RGS6: variants seen among roughly 807,000 people sequenced by gnomAD.
The protein encoded by RGS6 is regulator of G protein signaling 6.
RGS6 carries 30 observed loss-of-function variants against 78.5 expected under a neutral mutation model. That is an observed-to-expected ratio of 0.38 (90% CI 0.29 to 0.52). The LOEUF (loss-of-function observed/expected upper bound fraction) is 0.52. Among genes scored for constraint, RGS6 ranks in the 20% least tolerant of loss-of-function variants. RGS6 has a pLI of 0.85. For missense variants in RGS6, 495 were observed against 609.7 expected (o/e 0.81, Z 1.98); for synonymous variants, 206 against 206.0 (o/e 1.00, Z 0.00).
chr14:71,937,397 C>G (rs981123274), intron 1 of RGS6, among the ~76,000 whole-genome samples: 1 of 152,106 alleles, frequency 6.6e-6, no homozygotes, highest in African/African-American at 2.4e-5. Flanking sequence ...CACTTCCGCC[C>G]CTTGATTCCT....
chr14:72,432,831 G>C (rs550428642), intron 3 of RGS6, among the ~76,000 whole-genome samples: 1 of 152,294 alleles, frequency 6.6e-6, no homozygotes, highest in South Asian at 2.1e-4. Context: ...TCTAAGAGTA[G>C]CCACTTGAAG....
intron 2 of RGS6, among the ~76,000 whole-genome samples, chr14:72,254,306 T>C (rs1374019831): frequency 6.6e-6 from 1 of 152,234 alleles, no homozygotes; most frequent in Non-Finnish European, 1.5e-5. Context: ...TATTGGACTC[T>C]TGCTTGATGA....
intron 2 of RGS6, among the ~76,000 whole-genome samples, chr14:72,019,032 A>G (rs542415823): frequency 1.3e-5 from 2 of 152,284 alleles, no homozygotes; most frequent in East Asian, 3.9e-4. Flanking sequence ...ATAAAACCCA[A>G]ATAAAACAAA....
chr14:71,926,923 T>C, the RGS6 span, among the ~76,000 whole-genome samples: 5,921 of 152,310 alleles, frequency 0.039, 148 homozygotes, highest in Non-Finnish European at 0.059. Flanking sequence ...CAAACATGCC[T>C]GTCATTGATT....
At chr14:72,121,771 G>A (rs1369077252) in intron 2 of RGS6, among the ~76,000 whole-genome samples, 2 of 152,128 alleles carry the variant, frequency 1.3e-5, no homozygotes, top group African/African-American at 4.8e-5. Flanking sequence ...ATTCATGTCA[G>A]ATTCTTGCAG....
At chr14:71,934,948 A>G (rs369386525) in intron 1 of RGS6, among the ~76,000 whole-genome samples, 106 of 152,336 alleles carry the variant, frequency 7.0e-4, no homozygotes, top group African/African-American at 2.4e-3. Flanking sequence ...TTTCAAAAGG[A>G]TGCTGTCAGA....
At chr14:71,987,169 G>A (rs2094749904) in intron 2 of RGS6, among the ~76,000 whole-genome samples, 1 of 152,114 alleles carries the variant, frequency 6.6e-6, no homozygotes, top group South Asian at 2.1e-4. Flanking sequence ...TGGAATTTTT[G>A]TCTTTTTCAT....
chr14:72,604,362 A>G, the RGS6 span, among the ~76,000 whole-genome samples: 6 of 152,178 alleles, frequency 3.9e-5, no homozygotes, highest in Non-Finnish European at 5.9e-5. Context: ...AGTCTTATAC[A>G]TTCTTCAAGG....
chr14:72,179,757 T>C (rs1179909678), intron 2 of RGS6, among the ~76,000 whole-genome samples: 1 of 150,886 alleles, frequency 6.6e-6, no homozygotes, highest in Non-Finnish European at 1.5e-5. Context: ...CAAAGTGTGG[T>C]CCCAAAACCA....
chr14:72,497,791 TAAGTC>T (rs1051660900), intron 13 of RGS6, among the ~76,000 whole-genome samples: 56 of 152,250 alleles, frequency 3.7e-4, no homozygotes, highest in African/African-American at 1.3e-3. Flanking sequence ...TAGTTCCTTC[TAAGTC>T]AAGAACTTAA....
intron 2 of RGS6, among the ~76,000 whole-genome samples, chr14:72,203,440 G>A (rs1363303146): frequency 3.9e-5 from 6 of 152,190 alleles, no homozygotes; most frequent in African/African-American, 1.2e-4. Flanking sequence ...AGCACTGTGG[G>A]TAAAGGATCT....
At chr14:72,399,955 A>G (rs2092142657) in intron 3 of RGS6, among the ~76,000 whole-genome samples, 1 of 152,324 alleles carries the variant, frequency 6.6e-6, no homozygotes, top group Non-Finnish European at 1.5e-5. Context: ...CCAAGTTGGA[A>G]AACACTCTGC....
intron 2 of RGS6, among the ~76,000 whole-genome samples, chr14:72,004,040 G>T (rs145372945): frequency 6.6e-6 from 1 of 152,074 alleles, no homozygotes; most frequent in East Asian, 1.9e-4. Flanking sequence ...AAAATACTAC[G>T]CCTGATTTAA....
At position 71,954,377 on chromosome 14, in the gene RGS6, T is replaced by C. The variant is rs115922544; in HGVS notation, c.-20-10395T>C. Among the ~76,000 whole-genome samples the C allele has an allele frequency of 4.5e-3, 680 of 152,192 alleles. 8 individuals are homozygous for C. The highest frequency in any genetic ancestry group is 0.016 in the African/African-American group (647 of 41,520). On this transcript the variant is annotated intron_variant, in intron 1 of 17. Coordinates refer to ENST00000553525, the MANE Select transcript of RGS6 (RefSeq NM_001204424.2). ...GTTTTTTTCCTCCCTTAATTCTCTCTCTCTTTTTAGTTTGGAAATTCATGA... is the reference window on the plus strand; with the variant it reads ...GTTTTTTTCCTCCCTTAATTCTCTCCCTCTTTTTAGTTTGGAAATTCATGA...
chr14:72,163,882 CA>C (rs35453428), intron 2 of RGS6, among the ~76,000 whole-genome samples: 20,066 of 124,456 alleles, frequency 0.16, 1,284 homozygotes, highest in Middle Eastern at 0.21. Flanking sequence ...GACTCCATCT[CA>C]AAAAAAAAAA....
At chr14:72,494,755 G>C (rs952830164) in intron 12 of RGS6, among the ~76,000 whole-genome samples, 1 of 152,172 alleles carries the variant, frequency 6.6e-6, no homozygotes, top group East Asian at 1.9e-4. Context: ...TGGCAGTCTG[G>C]TGGAGCTGTA....
rs112744884 is a variant in RGS6, at chr14:72,371,849, G to A, written c.184+19655G>A. On this transcript the variant is annotated intron_variant, in intron 3 of 17. Transcript: ENST00000553525. The stretch of plus-strand genomic sequence containing the variant: ...AATCCAGATTTAGTGTAGCTGACCC[G>A]GGATCACTGACTCTTTTTTAGAGAA... 8.3e-3 allele frequency among the ~76,000 whole-genome samples: 1,268 copies of A among 152,270 alleles called. 6 individuals are homozygous for A. The highest frequency in any genetic ancestry group is 0.021 in the South Asian group (101 of 4,810).
At chr14:72,611,413 G>C in the RGS6 span, among the ~76,000 whole-genome samples, 1 of 152,230 alleles carries the variant, frequency 6.6e-6, no homozygotes, top group Non-Finnish European at 1.5e-5. Context: ...TCTGATGCTG[G>C]GTTTCATCCC....
At chr14:72,057,052 A>T (rs1400470765) in intron 2 of RGS6, among the ~76,000 whole-genome samples, 3 of 152,056 alleles carry the variant, frequency 2.0e-5, no homozygotes, top group Non-Finnish European at 4.4e-5. Context: ...AGTGGCTCCG[A>T]CTTGTAATCC....
Sources: allele counts gnomAD v4.1 joint callset (sites outside exome capture counted in the v4.1 genomes callset), GRCh38; gene constraint gnomAD v4.1.1; transcripts MANE v1.5; gene names NCBI Gene and HGNC (gene_info 2026-07-23, HGNC 2026-07-21).